Variants in OSBPL8 observed in about 807,000 individuals in gnomAD.
The protein encoded by OSBPL8 is oxysterol-binding protein-related protein 8.
OSBPL8 carries 59 observed loss-of-function variants against 125.5 expected under a neutral mutation model. That is an observed-to-expected ratio of 0.47 (90% CI 0.38 to 0.58). The LOEUF (loss-of-function observed/expected upper bound fraction) is 0.58. Ranked by LOEUF, OSBPL8 falls within the 20% of genes least tolerant of loss-of-function variation. OSBPL8 has a pLI of 0.00. For missense variants in OSBPL8, 758 were observed against 1,047.8 expected, an observed-to-expected ratio of 0.72 and a Z score of 3.82; for synonymous variants, 330 against 338.9, an observed-to-expected ratio of 0.97 and a Z score of 0.29.
intron 1 of OSBPL8, among the ~76,000 whole-genome samples, chr12:76,512,386 G>A (rs548323562): frequency 3.4e-4 from 52 of 152,252 alleles, no homozygotes; most frequent in South Asian, 1.9e-3. Context: ...GGGCATTTAG[G>A]TTGATTCCAT....
intron 10 of OSBPL8, among the ~76,000 whole-genome samples, chr12:76,391,391 C>T (rs1476475165): frequency 6.6e-6 from 1 of 152,048 alleles, no homozygotes; most frequent in African/African-American, 2.4e-5. Flanking sequence ...CAACAAATAC[C>T]CATTCCTCTA....
At chr12:76,424,944 G>A (rs747164287) in intron 4 of OSBPL8, among the ~76,000 whole-genome samples, 3 of 152,230 alleles carry the variant, frequency 2.0e-5, no homozygotes, top group Non-Finnish European at 4.4e-5. Flanking sequence ...AAGTAGTCAT[G>A]GTCTTGCAGA....
At chr12:76,401,742 T>A (rs370916505) in intron 6 of OSBPL8, among the ~76,000 whole-genome samples, 5 of 152,186 alleles carry the variant, frequency 3.3e-5, no homozygotes, top group Non-Finnish European at 5.9e-5. Context: ...TGTTTGCAAT[T>A]GGAAGTTTTG....
At chr12:76,389,566 C>T (rs922964644) in intron 12 of OSBPL8, 79 bp downstream of exon 12, 44 of 1,191,530 alleles carry the variant, frequency 3.7e-5, no homozygotes, top group East Asian at 1.3e-4. Flanking sequence ...TGGAAACAAA[C>T]GATAATTGAA....
At chr12:76,540,590 A>G (rs1246995650) in intron 1 of OSBPL8, among the ~76,000 whole-genome samples, 1 of 151,872 alleles carries the variant, frequency 6.6e-6, no homozygotes, top group Admixed American at 6.6e-5. Flanking sequence ...TTTCAGACAT[A>G]AAGTGGTGGC....
At chr12:76,407,640 G>A (rs938344189) in intron 5 of OSBPL8, among the ~76,000 whole-genome samples, 5 of 152,292 alleles carry the variant, frequency 3.3e-5, no homozygotes, top group African/African-American at 1.2e-4. Flanking sequence ...GAGAAAATCA[G>A]TAAGTTTCAG....
chr12:76,399,316 A>G (rs1953954475), intron 7 of OSBPL8, among the ~76,000 whole-genome samples: 1 of 152,164 alleles, frequency 6.6e-6, no homozygotes. Flanking sequence ...GGATTCCTAC[A>G]GCTGTCTTTC....
intron 19 of OSBPL8, chr12:76,371,078 C>T (rs1057492563): frequency 2.6e-5 from 4 of 155,900 alleles, no homozygotes; most frequent in African/African-American, 9.6e-5. Flanking sequence ...GTAGATTCTG[C>T]ACCACTCCCT....
intron 4 of OSBPL8, among the ~76,000 whole-genome samples, chr12:76,419,725 A>T (rs2136483495): frequency 6.6e-6 from 1 of 152,348 alleles, no homozygotes; most frequent in East Asian, 1.9e-4. Context: ...GCTCAACCCC[A>T]AAACAAAAAC....
chr12:76,475,460 C>T (rs1876689128), intron 2 of OSBPL8, among the ~76,000 whole-genome samples: 1 of 152,198 alleles, frequency 6.6e-6, no homozygotes, highest in African/African-American at 2.4e-5. Context: ...ATGACACAGT[C>T]TGTTTTTTCA....
At chr12:76,419,292 G>A (rs1869159972) in intron 4 of OSBPL8, among the ~76,000 whole-genome samples, 1 of 152,098 alleles carries the variant, frequency 6.6e-6, no homozygotes. Context: ...TATTTATAGT[G>A]TACCTACCTG....
intron 4 of OSBPL8, among the ~76,000 whole-genome samples, chr12:76,439,510 C>T (rs1261461614): frequency 6.6e-6 from 1 of 152,094 alleles, no homozygotes; most frequent in Non-Finnish European, 1.5e-5. Context: ...TCAGAGATGA[C>T]AGAATATGTA....
chr12:76,540,217 C>G (rs184198938), intron 1 of OSBPL8, among the ~76,000 whole-genome samples: 1 of 152,222 alleles, frequency 6.6e-6, no homozygotes, highest in Admixed American at 6.5e-5. Context: ...CAAGACACTT[C>G]AAGTCAACCT....
At chr12:76,369,896 A>C in intron 19 of OSBPL8, 74 bp from the exon 20 acceptor site, 2 of 1,322,342 alleles carry the variant, frequency 1.5e-6, no homozygotes, top group Non-Finnish European at 2.0e-6. Context: ...ATAGGCCTCA[A>C]ATCCCTTGTA....
intron 5 of OSBPL8, among the ~76,000 whole-genome samples, chr12:76,408,143 TAAAA>T (rs376221340): frequency 4.3e-5 from 4 of 92,030 alleles, no homozygotes; most frequent in Non-Finnish European, 8.6e-5. Flanking sequence ...CCTCATCTCT[TAAAA>T]AAAAAAAAAA....
intron 1 of OSBPL8, among the ~76,000 whole-genome samples, chr12:76,501,992 A>G (rs74103486): frequency 3.5e-4 from 54 of 152,366 alleles, no homozygotes; most frequent in Middle Eastern, 3.4e-3. Context: ...TTCACAGCAA[A>G]TGTAGTACAG....
intron 4 of OSBPL8, among the ~76,000 whole-genome samples, chr12:76,440,422 G>A (rs1394245297): frequency 6.6e-6 from 1 of 151,894 alleles, no homozygotes; most frequent in Admixed American, 6.6e-5. Flanking sequence ...TTTAAATTAT[G>A]AGCTCATATA....
chr12:76,436,405 T>C (rs1024266578), intron 4 of OSBPL8, among the ~76,000 whole-genome samples: 3 of 152,106 alleles, frequency 2.0e-5, no homozygotes, highest in Admixed American at 6.6e-5. Flanking sequence ...TCCTCTCATA[T>C]GGTAAATAAC....
intron 1 of OSBPL8, among the ~76,000 whole-genome samples, chr12:76,501,565 T>C (rs921357116): frequency 6.6e-6 from 1 of 152,194 alleles, no homozygotes; most frequent in African/African-American, 2.4e-5. Context: ...GAGAGCCCAT[T>C]CTGTGATACT....
Sources: gnomAD v4.1 joint callset for allele counts (sites outside exome capture counted in the v4.1 genomes callset) on GRCh38, gnomAD v4.1.1 for gene constraint, MANE v1.5 for transcripts, NCBI Gene and HGNC (gene_info 2026-07-23, HGNC 2026-07-21) for gene names.